Variants in PDLIM1 observed in about 807,000 individuals in gnomAD.
The protein encoded by PDLIM1 is PDZ and LIM domain protein 1.
In PDLIM1, 25 loss-of-function variants were observed where a neutral mutation model predicts 35.2. That is an observed-to-expected ratio of 0.71 (90% CI 0.52 to 0.99). The LOEUF (loss-of-function observed/expected upper bound fraction) is 0.99. Ranked by LOEUF, PDLIM1 falls within the 50% of genes least tolerant of loss-of-function variation. The probability of loss-of-function intolerance (pLI) is 0.00; values close to 1 mark genes in which losing one functional copy is unlikely to be tolerated. For missense variants in PDLIM1, 363 were observed against 415.3 expected (o/e 0.87, Z 1.09); for synonymous variants, 152 against 154.0 (o/e 0.99, Z 0.10).
chr10:95,253,170 G>C (rs1457791173), intron 4 of PDLIM1, among the ~76,000 whole-genome samples: 2 of 152,058 alleles, frequency 1.3e-5, no homozygotes, highest in Non-Finnish European at 2.9e-5. Context: ...CAATTCAAAA[G>C]ACAGCAGATT....
Position 95,257,002 on chromosome 10 carries a change from G to GAAAAGAAAAGA in PDLIM1, c.533+6861_533+6862insTCTTTTCTTTT, listed in dbSNP as rs371813071. ...AAAAAAAAAAAAAGAAAGAAAGAAAGAAAGAAAGAAAGAAAGAAAGAAAGA... is the reference window on the plus strand; with the variant it reads ...AAAAAAAAAAAAAGAAAGAAAGAAAGAAAAGAAAAGAAAAGAAAGAAAGAAAGAAAGAAAGA... On this transcript the variant is annotated intron_variant, in intron 4 of 6. Coordinates refer to ENST00000329399, the MANE Select transcript of PDLIM1 (RefSeq NM_020992.4). Among the ~76,000 whole-genome samples, 73 of 88,636 alleles carry GAAAAGAAAAGA rather than the reference G, an allele frequency of 8.2e-4. 1 individual carries two copies. Among genetic ancestry groups the GAAAAGAAAAGA allele is most frequent in the African/African-American group, 2.0e-3 (66 of 32,534 alleles). 58.1% of individuals were successfully genotyped at this position (88,636 alleles called of 152,430 possible).
chr10:95,246,767 C>T (rs1368579132), intron 5 of PDLIM1, among the ~76,000 whole-genome samples: 1 of 152,196 alleles, frequency 6.6e-6, no homozygotes, highest in Non-Finnish European at 1.5e-5. Context: ...CACATGCCCC[C>T]AAGCAAAGCC....
chr10:95,272,103 C>T (rs1411145515), intron 1 of PDLIM1, among the ~76,000 whole-genome samples: 4 of 152,190 alleles, frequency 2.6e-5, no homozygotes, highest in Non-Finnish European at 4.4e-5. Context: ...TATTACTGGT[C>T]CTCCAACTAG....
At chr10:95,251,524 A>G (rs2035267906) in intron 4 of PDLIM1, among the ~76,000 whole-genome samples, 1 of 152,210 alleles carries the variant, frequency 6.6e-6, no homozygotes, top group African/African-American at 2.4e-5. Context: ...TGCTAAAACA[A>G]GACAGCCATA....
intron 4 of PDLIM1, among the ~76,000 whole-genome samples, chr10:95,255,657 A>C (rs1249879309): frequency 6.6e-6 from 1 of 152,182 alleles, no homozygotes; most frequent in Non-Finnish European, 1.5e-5. Context: ...CATGTATGAA[A>C]AACCCACAGC....
intron 2 of PDLIM1, among the ~76,000 whole-genome samples, chr10:95,269,568 T>TC (rs1554832916): frequency 0.011 from 701 of 62,266 alleles, 6 homozygotes; most frequent in African/African-American, 0.03. Context: ...TGAGACTCCA[T>TC]CCCAAAAAAA....
At chr10:95,247,464 T>C (rs1589506936) in intron 4 of PDLIM1, 98 bp from the exon 5 acceptor site, 2 of 949,942 alleles carry the variant, frequency 2.1e-6, no homozygotes, top group Middle Eastern at 2.6e-4. Flanking sequence ...ATTTGAAGGA[T>C]GGATAGAAAT....
At chr10:95,271,035 C>A (rs2035460943) in intron 2 of PDLIM1, among the ~76,000 whole-genome samples, 1 of 151,554 alleles carries the variant, frequency 6.6e-6, no homozygotes, top group Non-Finnish European at 1.5e-5. Context: ...ACAAAGAGAG[C>A]CACCGCACCT....
intron 2 of PDLIM1, among the ~76,000 whole-genome samples, chr10:95,269,634 C>G (rs1289542759): frequency 6.6e-6 from 1 of 151,426 alleles, no homozygotes; most frequent in East Asian, 1.9e-4. Flanking sequence ...TTCTTTGTAC[C>G]AACCACAGAG....
intron 3 of PDLIM1, among the ~76,000 whole-genome samples, chr10:95,268,290 C>T (rs2035432021): frequency 6.6e-6 from 1 of 152,112 alleles, no homozygotes; most frequent in Admixed American, 6.5e-5. Flanking sequence ...TTCACTGTAA[C>T]AAAAATAGAG....
chr10:95,271,257 T>G (rs904790491), intron 2 of PDLIM1, among the ~76,000 whole-genome samples: 1 of 150,940 alleles, frequency 6.6e-6, no homozygotes, highest in African/African-American at 2.4e-5. Context: ...GCCAACATGG[T>G]GAAACCCCAT....
intron 5 of PDLIM1, among the ~76,000 whole-genome samples, chr10:95,241,505 G>C (rs2035177738): frequency 6.6e-6 from 1 of 152,110 alleles, no homozygotes; most frequent in Non-Finnish European, 1.5e-5. Context: ...AGTGAAAGGG[G>C]ATGCCACTGG....
At chr10:95,251,173 C>A (rs2035264650) in intron 4 of PDLIM1, among the ~76,000 whole-genome samples, 1 of 151,640 alleles carries the variant, frequency 6.6e-6, no homozygotes. Flanking sequence ...AGCACAGCAA[C>A]CCTGGGATGA....
intron 3 of PDLIM1, among the ~76,000 whole-genome samples, chr10:95,265,247 G>A (rs1221454290): frequency 6.6e-6 from 1 of 151,464 alleles, no homozygotes; most frequent in Non-Finnish European, 1.5e-5. Context: ...AAGCTTTATT[G>A]AGTACCTAAT....
chr10:95,248,262 A>G (rs1265441472), intron 4 of PDLIM1, among the ~76,000 whole-genome samples: 4 of 152,140 alleles, frequency 2.6e-5, no homozygotes, highest in Admixed American at 2.6e-4. Context: ...TTTGTTTTTT[A>G]GAGACAGGGA....
chr10:95,255,980 A>C (rs1589509955), intron 4 of PDLIM1, among the ~76,000 whole-genome samples: 1 of 151,762 alleles, frequency 6.6e-6, no homozygotes, highest in Non-Finnish European at 1.5e-5. Context: ...CAAAATACAA[A>C]ATCAACAAAC....
intron 1 of PDLIM1, among the ~76,000 whole-genome samples, chr10:95,280,627 G>A (rs1294799716): frequency 6.6e-6 from 1 of 152,148 alleles, no homozygotes; most frequent in Non-Finnish European, 1.5e-5. Context: ...CAGAGGTGGG[G>A]GTTTTAACCA....
At chr10:95,264,781 T>A (rs1206939933) in intron 3 of PDLIM1, among the ~76,000 whole-genome samples, 1 of 152,088 alleles carries the variant, frequency 6.6e-6, no homozygotes, top group African/African-American at 2.4e-5. Context: ...GAAAGTTCCC[T>A]CCACCCCCAC....
At chr10:95,262,156 G>A (rs2035369652) in intron 4 of PDLIM1, among the ~76,000 whole-genome samples, 1 of 152,154 alleles carries the variant, frequency 6.6e-6, no homozygotes, top group Admixed American at 6.5e-5. Flanking sequence ...TGCCCAAGGA[G>A]CCCTTGAGAG....
Sources: gnomAD v4.1 joint callset for allele counts (sites outside exome capture counted in the v4.1 genomes callset) on GRCh38, gnomAD v4.1.1 for gene constraint, MANE v1.5 for transcripts, NCBI Gene and HGNC (gene_info 2026-07-23, HGNC 2026-07-21) for gene names.